The following EDIL3 variants were observed in gnomAD, a reference collection of about 807,000 sequenced individuals.
EDIL3 encodes EGF-like repeat and discoidin I-like domain-containing protein 3.
EDIL3 carries 37 observed loss-of-function variants against 67.4 expected under a neutral mutation model. That is an observed-to-expected ratio of 0.55 (90% confidence interval 0.42 to 0.72). EDIL3 has a LOEUF of 0.72. Among genes scored for constraint, EDIL3 ranks in the 30% least tolerant of loss-of-function variants. The pLI, the probability that EDIL3 is intolerant of heterozygous loss-of-function variation, is 0.00. For synonymous variants in EDIL3, 195 were observed against 196.3 expected (o/e 0.99, Z 0.05); for missense variants, 527 against 586.3 (o/e 0.90, Z 1.04).
chr5:83,950,362 G>A (rs557100043), intron 10 of EDIL3, among the ~76,000 whole-genome samples: 13 of 151,946 alleles, frequency 8.6e-5, no homozygotes, highest in Middle Eastern at 3.4e-3. Flanking sequence ...TTTGTGATGA[G>A]TAATTGGTAT....
At chr5:84,043,512 C>T (rs376964384) in intron 9 of EDIL3, among the ~76,000 whole-genome samples, 20 of 152,200 alleles carry the variant, frequency 1.3e-4, no homozygotes, top group Admixed American at 5.9e-4. Context: ...TTGTGCTGTA[C>T]TGAAAAAATC....
In EDIL3 at chr5:83,941,319, A is replaced by G. The variant is rs1744219672; in HGVS notation, c.*2100T>C. On this transcript the variant is annotated 3_prime_UTR_variant, in exon 11 of 11. Coordinates refer to ENST00000296591, the MANE Select transcript of EDIL3 (RefSeq NM_005711.5). ...TCAATGCTTTTTCTAAAAGGTAACA[A>G]ATATAATTTTAATCAACTTCCTTGG... The G allele has an allele frequency of 6.6e-6, 1 of 152,068 alleles. No homozygotes were observed. Among genetic ancestry groups the G allele is most frequent in the Non-Finnish European group, 1.5e-5 (1 of 67,932 alleles). 9.4% of individuals were successfully genotyped at this position (152,068 alleles called of 1,614,324 possible).
chr5:84,173,981 T>G (rs1055387716), intron 4 of EDIL3, among the ~76,000 whole-genome samples: 10 of 152,088 alleles, frequency 6.6e-5, no homozygotes, highest in African/African-American at 2.4e-4. Context: ...CACTCGTCTG[T>G]GCGTGGGGTT....
intron 1 of EDIL3, among the ~76,000 whole-genome samples, chr5:84,376,947 T>C (rs141441625): frequency 9.0e-4 from 137 of 152,340 alleles, no homozygotes; most frequent in African/African-American, 3.0e-3. Flanking sequence ...AATACAGAAG[T>C]TAAACTATAG....
intron 2 of EDIL3, among the ~76,000 whole-genome samples, chr5:84,239,624 T>A (rs1208872863): frequency 6.6e-6 from 1 of 152,208 alleles, no homozygotes; most frequent in African/African-American, 2.4e-5. Flanking sequence ...GGTAATCTTA[T>A]CTTCTTGCTG....
chr5:84,020,804 T>G (rs1052107682), intron 9 of EDIL3, among the ~76,000 whole-genome samples: 2 of 152,044 alleles, frequency 1.3e-5, no homozygotes, highest in African/African-American at 4.8e-5. Context: ...TCCTTTACAT[T>G]TCCTTACCTA....
chr5:84,141,347 C>A (rs1748184695), intron 4 of EDIL3, among the ~76,000 whole-genome samples: 2 of 150,358 alleles, frequency 1.3e-5, no homozygotes, highest in Non-Finnish European at 3.0e-5. Flanking sequence ...TTGCTGCCAA[C>A]CTTCTTGTGT....
At chr5:84,166,205 T>A (rs977068791) in intron 4 of EDIL3, among the ~76,000 whole-genome samples, 5 of 152,190 alleles carry the variant, frequency 3.3e-5, no homozygotes, top group African/African-American at 1.2e-4. Flanking sequence ...AATCTGACAA[T>A]CTCCAAAAGG....
At chr5:83,962,860 G>T (rs1183056942) in intron 10 of EDIL3, among the ~76,000 whole-genome samples, 1 of 151,364 alleles carries the variant, frequency 6.6e-6, no homozygotes, top group Non-Finnish European at 1.5e-5. Flanking sequence ...AATGACAGTG[G>T]CATATATTCT....
At chr5:83,961,306 T>C (rs1330295826) in intron 10 of EDIL3, among the ~76,000 whole-genome samples, 1 of 151,010 alleles carries the variant, frequency 6.6e-6, no homozygotes, top group Non-Finnish European at 1.5e-5. Context: ...CAGTAACAGA[T>C]AGTACAAGTA....
chr5:84,016,451 T>C (rs1664058189), intron 9 of EDIL3, among the ~76,000 whole-genome samples: 1 of 152,188 alleles, frequency 6.6e-6, no homozygotes, highest in African/African-American at 2.4e-5. Flanking sequence ...GTTTTGTATA[T>C]GCTGTAATTC....
Position 84,140,057 on chromosome 5 carries a change from T to C in EDIL3, c.356-2703A>G, listed in dbSNP as rs538250904. 9.1e-4 allele frequency among the ~76,000 whole-genome samples: 139 copies of C among 152,200 alleles called. 2 individuals are homozygous for C. The highest frequency in any genetic ancestry group is 3.3e-3 in the African/African-American group (136 of 41,540). ...CGTTTTATTTTTTTGGCAATGAACATTTGGAGCAGGATGAGAAGGATTAAA... is the reference window on the plus strand; with the variant it reads ...CGTTTTATTTTTTTGGCAATGAACACTTGGAGCAGGATGAGAAGGATTAAA... On this transcript the variant is annotated intron_variant, in intron 4 of 10. Transcript: ENST00000296591.
intron 4 of EDIL3, among the ~76,000 whole-genome samples, chr5:84,153,693 C>T (rs1005698832): frequency 6.6e-6 from 1 of 152,166 alleles, no homozygotes; most frequent in East Asian, 1.9e-4. Context: ...GAGCTCCTGA[C>T]CTCAGGAGGT....
At chr5:84,021,664 T>C (rs1461610320) in intron 9 of EDIL3, among the ~76,000 whole-genome samples, 1 of 152,030 alleles carries the variant, frequency 6.6e-6, no homozygotes, top group East Asian at 1.9e-4. Flanking sequence ...GAGAACGTTG[T>C]ATATTTGGCA....
At chr5:83,961,553 A>T (rs559091710) in intron 10 of EDIL3, among the ~76,000 whole-genome samples, 1 of 151,304 alleles carries the variant, frequency 6.6e-6, no homozygotes, top group South Asian at 2.1e-4. Context: ...TCTTCCCTAA[A>T]CTAATCTATA....
intron 9 of EDIL3, among the ~76,000 whole-genome samples, chr5:84,031,350 A>T (rs1360320748): frequency 6.6e-6 from 1 of 152,212 alleles, no homozygotes; most frequent in Non-Finnish European, 1.5e-5. Context: ...ATGTTTTGGC[A>T]TTAAGAAATT....
intron 10 of EDIL3, among the ~76,000 whole-genome samples, chr5:83,945,991 G>A (rs1744301343): frequency 6.6e-6 from 1 of 151,954 alleles, no homozygotes. Flanking sequence ...TGTGGCACAT[G>A]TGCTGTTTTC....
intron 2 of EDIL3, among the ~76,000 whole-genome samples, chr5:84,253,055 G>A (rs572229350): frequency 6.6e-6 from 1 of 152,060 alleles, no homozygotes; most frequent in South Asian, 2.1e-4. Flanking sequence ...GTAAATTAAT[G>A]GTTTTATTTA....
intron 3 of EDIL3, among the ~76,000 whole-genome samples, chr5:84,202,506 T>C (rs1230509972): frequency 6.6e-6 from 1 of 152,142 alleles, no homozygotes; most frequent in Non-Finnish European, 1.5e-5. Context: ...GAGGAGTACA[T>C]AGCAGGGAGT....
Sources: gnomAD v4.1 joint callset for allele counts (sites outside exome capture counted in the v4.1 genomes callset) on GRCh38, gnomAD v4.1.1 for gene constraint, MANE v1.5 for transcripts, NCBI Gene and HGNC (gene_info 2026-07-23, HGNC 2026-07-21) for gene names.